DLG2: variants seen among roughly 807,000 people sequenced by gnomAD.
The protein encoded by DLG2 is disks large homolog 2.
A neutral mutation model predicts 132.5 loss-of-function variants in DLG2; 45 were observed. The observed-to-expected ratio is 0.34, with a 90% CI of 0.27 to 0.44. The LOEUF is 0.44. DLG2 is among the 20% of genes least tolerant of loss of function. The probability of loss-of-function intolerance (pLI) is 1.00; values close to 1 mark genes in which losing one functional copy is unlikely to be tolerated. For missense variants in DLG2, 1,045 were observed against 1,196.9 expected (o/e 0.87, Z 1.87); for synonymous variants, 424 against 419.6 (o/e 1.01, Z -0.13).
chr11:85,066,739 TATCCTATCATAATAAAAATCATC>T (rs1451491474), intron 6 of DLG2, among the ~76,000 whole-genome samples: 1 of 151,616 alleles, frequency 6.6e-6, no homozygotes, highest in Non-Finnish European at 1.5e-5. Context: ...TAGAATTCAA[TATCCTATCATAATAAAAATCATC>T]AACAAACTTA....
At chr11:84,665,493 C>G (rs537263175) in intron 6 of DLG2, among the ~76,000 whole-genome samples, 1 of 152,188 alleles carries the variant, frequency 6.6e-6, no homozygotes, top group Admixed American at 6.5e-5. Flanking sequence ...TATCTCCATG[C>G]CTTTCCACAT....
intron 18 of DLG2, among the ~76,000 whole-genome samples, chr11:83,703,332 A>AT (rs374344250): frequency 6.6e-6 from 1 of 152,358 alleles, no homozygotes; most frequent in African/African-American, 2.4e-5. Flanking sequence ...AATGCCAAGC[A>AT]TTAATGGAAG....
chr11:85,508,493 TG>T (rs1363444588), intron 3 of DLG2, among the ~76,000 whole-genome samples: 1 of 152,082 alleles, frequency 6.6e-6, no homozygotes, highest in East Asian at 1.9e-4. Context: ...CCCCCTACTC[TG>T]TTTTATTTTT....
At chr11:83,848,588 G>C (rs780659790) in intron 16 of DLG2, among the ~76,000 whole-genome samples, 2 of 152,058 alleles carry the variant, frequency 1.3e-5, no homozygotes, top group African/African-American at 2.4e-5. Context: ...AACAAATGCA[G>C]TCATCTTTAA....
At chr11:85,321,527 A>C (rs1245262741) in intron 3 of DLG2, among the ~76,000 whole-genome samples, 1 of 152,074 alleles carries the variant, frequency 6.6e-6, no homozygotes, top group Non-Finnish European at 1.5e-5. Flanking sequence ...AGGGTACATA[A>C]GAGAAGCAAT....
chr11:83,584,408 A>T (rs1793661352), intron 19 of DLG2, among the ~76,000 whole-genome samples: 1 of 152,192 alleles, frequency 6.6e-6, no homozygotes, highest in African/African-American at 2.4e-5. Flanking sequence ...AATGTCATGA[A>T]CTCAATCAGA....
At chr11:84,443,256 A>T (rs1239035145) in intron 7 of DLG2, among the ~76,000 whole-genome samples, 1 of 152,174 alleles carries the variant, frequency 6.6e-6, no homozygotes, top group East Asian at 1.9e-4. Flanking sequence ...GATTTAATAA[A>T]TGTTAATATT....
intron 21 of DLG2, among the ~76,000 whole-genome samples, chr11:83,494,027 G>C (rs1298725316): frequency 6.6e-6 from 1 of 151,996 alleles, no homozygotes; most frequent in African/African-American, 2.4e-5. Context: ...TCCTATGACT[G>C]TCTACCATAA....
intron 6 of DLG2, among the ~76,000 whole-genome samples, chr11:84,727,696 C>A (rs1487796436): frequency 2.0e-5 from 3 of 152,058 alleles, no homozygotes. Context: ...GGCAGTATGG[C>A]CATTTTCCCA....
chr11:84,068,310 T>A (rs1183882340), intron 10 of DLG2, among the ~76,000 whole-genome samples: 1 of 152,246 alleles, frequency 6.6e-6, no homozygotes. Flanking sequence ...TTCTCCCTTT[T>A]GAGTAAGTAA....
Position 84,847,228 on chromosome 11 carries a change from G to T in DLG2, c.357+264433C>A, listed in dbSNP as rs2081585411. Among the ~76,000 whole-genome samples, 6 of 152,180 alleles carry T rather than the reference G, an allele frequency of 3.9e-5. No individual in the cohort carries two copies. In the South Asian group the frequency reaches 1.0e-3, roughly 26 times the overall value. On this transcript the variant is annotated intron_variant, in intron 6 of 27. Coordinates refer to ENST00000376104, the MANE Select transcript of DLG2 (RefSeq NM_001142699.3). Reference sequence around the variant, plus strand: ...GGATAGCATGCAGAAGCCAAGAAGGGCCTACAGGAGATGGTTAATGATGAC... The same window carrying T: ...GGATAGCATGCAGAAGCCAAGAAGGTCCTACAGGAGATGGTTAATGATGAC...
intron 6 of DLG2, among the ~76,000 whole-genome samples, chr11:84,889,990 C>T (rs887590797): frequency 3.9e-5 from 6 of 152,166 alleles, no homozygotes; most frequent in African/African-American, 1.4e-4. Context: ...AATAGTTCCT[C>T]AGTGAAATAT....
rs903295694 is a variant in DLG2 at position 85,492,113 on chromosome 11, G to C, written c.40+106544C>G. Among the ~76,000 whole-genome samples, 6 of 152,120 alleles carry C rather than the reference G, an allele frequency of 3.9e-5. 1 individual carries two copies. The highest frequency in any genetic ancestry group is 1.4e-4 in the African/African-American group (6 of 41,452). On this transcript the variant is annotated intron_variant, in intron 3 of 27. Coordinates refer to ENST00000376104, the MANE Select transcript of DLG2 (RefSeq NM_001142699.3). ...GAAAATTGTTTAGAGCAAATTTTCA[G>C]TGTAGTCACTACAAAAAAAGATAAC... is the stretch of plus-strand genomic sequence containing the variant.
chr11:84,799,426 CT>C (rs1199190219), intron 6 of DLG2, among the ~76,000 whole-genome samples: 1 of 152,170 alleles, frequency 6.6e-6, no homozygotes, highest in Non-Finnish European at 1.5e-5. Flanking sequence ...AGAGGGGTGT[CT>C]TTCCCAGCCT....
intron 4 of DLG2, among the ~76,000 whole-genome samples, chr11:85,217,404 G>T (rs1205377362): frequency 6.6e-6 from 1 of 151,220 alleles, no homozygotes; most frequent in Admixed American, 6.6e-5. Flanking sequence ...ATGAAATTCT[G>T]AATTGCAAGT....
intron 3 of DLG2, among the ~76,000 whole-genome samples, chr11:85,464,753 T>C: frequency 6.6e-6 from 1 of 151,704 alleles, no homozygotes; most frequent in Non-Finnish European, 1.5e-5. Flanking sequence ...AAAGGCAGTT[T>C]AGTTTGGGAA....
chr11:84,103,254 G>A (rs1429889110), intron 9 of DLG2, among the ~76,000 whole-genome samples: 1 of 152,112 alleles, frequency 6.6e-6, no homozygotes, highest in African/African-American at 2.4e-5. Context: ...AGGGACAGAT[G>A]CAAAAGTGTC....
At chr11:83,577,470 T>A (rs537390938) in intron 19 of DLG2, among the ~76,000 whole-genome samples, 23 of 138,688 alleles carry the variant, frequency 1.7e-4, no homozygotes, top group African/African-American at 4.8e-4. Context: ...TATATATATA[T>A]AAAATAGGAT....
At chr11:84,831,269 G>A (rs780794360) in intron 6 of DLG2, among the ~76,000 whole-genome samples, 1 of 151,346 alleles carries the variant, frequency 6.6e-6, no homozygotes, top group Non-Finnish European at 1.5e-5. Context: ...TTGGGGCATG[G>A]GTGTATTTCT....
Sources: allele counts gnomAD v4.1 joint callset (sites outside exome capture counted in the v4.1 genomes callset), GRCh38; gene constraint gnomAD v4.1.1; transcripts MANE v1.5; gene names NCBI Gene and HGNC (gene_info 2026-07-23, HGNC 2026-07-21).